The following MRTFB variants were observed in gnomAD, a reference collection of about 807,000 sequenced individuals.
MRTFB encodes the protein myocardin related transcription factor B, also known as myocardin-related transcription factor B.
A neutral mutation model predicts 104.2 loss-of-function variants in MRTFB; 29 were observed. The ratio of observed to expected loss-of-function variants is 0.28; its 90% CI spans 0.21 to 0.38. MRTFB has a LOEUF of 0.38. MRTFB is among the 10% of genes least tolerant of loss of function. The probability of loss-of-function intolerance (pLI) is 1.00; values close to 1 mark genes in which losing one functional copy is unlikely to be tolerated. For missense variants in MRTFB, 1,270 were observed against 1,341.6 expected (o/e 0.95, Z 0.83); for synonymous variants, 535 against 519.5 (o/e 1.03, Z -0.41).
chr16:14,025,457 C>T, the MRTFB span, among the ~76,000 whole-genome samples: 3 of 152,146 alleles, frequency 2.0e-5, no homozygotes, highest in African/African-American at 7.2e-5. Context: ...TTACCCAGTG[C>T]CTATCAAGGT....
chr16:14,022,233 G>A, the MRTFB span, among the ~76,000 whole-genome samples: 1 of 152,176 alleles, frequency 6.6e-6, no homozygotes, highest in African/African-American at 2.4e-5. Flanking sequence ...ACTAGAGAAG[G>A]AGGTGGAATA....
intron 8 of MRTFB, among the ~76,000 whole-genome samples, chr16:14,228,496 A>G (rs1018592786): frequency 6.6e-6 from 1 of 152,016 alleles, no homozygotes; most frequent in African/African-American, 2.4e-5. Context: ...AATTGCTTAG[A>G]ACCCAGGAGG....
chr16:14,159,646 A>G (rs1377490185), intron 3 of MRTFB, among the ~76,000 whole-genome samples: 1 of 152,178 alleles, frequency 6.6e-6, no homozygotes, highest in African/African-American at 2.4e-5. Flanking sequence ...TTTAAGAATC[A>G]TGGCCGGGCG....
At chr16:14,010,710 G>C in the MRTFB span, among the ~76,000 whole-genome samples, 7 of 152,196 alleles carry the variant, frequency 4.6e-5, no homozygotes, top group Admixed American at 3.9e-4. Flanking sequence ...ATAGGCATGA[G>C]CCACCATGCC....
At chr16:14,200,398 A>C (rs2040636797) in intron 3 of MRTFB, 5 of 1,607,904 alleles carry the variant, frequency 3.1e-6, no homozygotes, top group Non-Finnish European at 4.3e-6. Flanking sequence ...AAGATGTTTC[A>C]CTGTTTGATG....
intron 3 of MRTFB, among the ~76,000 whole-genome samples, chr16:14,206,295 T>G (rs226782): frequency 0.23 from 34,773 of 152,174 alleles, 7,397 homozygotes; most frequent in African/African-American, 0.55. Context: ...CTTCTGTGTC[T>G]CATGACAATT....
chr16:14,229,345 C>CTCAT (rs3086634), intron 8 of MRTFB, among the ~76,000 whole-genome samples: 142,872 of 152,126 alleles, frequency 0.94, 67,328 homozygotes, highest in Non-Finnish European at 0.97. Context: ...TTTTATTCAA[C>CTCAT]TCATTTTTCA....
chr16:14,032,708 A>C, the MRTFB span, among the ~76,000 whole-genome samples: 1 of 152,068 alleles, frequency 6.6e-6, no homozygotes, highest in African/African-American at 2.4e-5. Flanking sequence ...TGGGCCCTTA[A>C]CCTGTGGGGT....
chr16:14,132,305 G>T (rs1188384978), intron 2 of MRTFB, among the ~76,000 whole-genome samples: 4 of 151,842 alleles, frequency 2.6e-5, no homozygotes, highest in Non-Finnish European at 5.9e-5. Flanking sequence ...GTGCTGATGG[G>T]TACAGGATTT....
At chr16:14,186,967 C>G (rs946576533) in intron 3 of MRTFB, 2 of 1,597,986 alleles carry the variant, frequency 1.3e-6, no homozygotes, top group African/African-American at 2.7e-5. Context: ...ATTTTAACTG[C>G]TGGGGATTTT....
chr16:14,183,374 A>G (rs1353081921), intron 3 of MRTFB, among the ~76,000 whole-genome samples: 1 of 152,176 alleles, frequency 6.6e-6, no homozygotes, highest in African/African-American at 2.4e-5. Flanking sequence ...AAAACTAAAG[A>G]GACTTAATAA....
chr16:14,215,925 G>A (rs1597272493), intron 6 of MRTFB, among the ~76,000 whole-genome samples: 1 of 152,174 alleles, frequency 6.6e-6, no homozygotes, highest in Non-Finnish European at 1.5e-5. Flanking sequence ...TTGCCCAAAC[G>A]AATTTGACAG....
chr16:14,018,907 G>A, the MRTFB span: 1 of 152,004 alleles, frequency 6.6e-6, no homozygotes, highest in African/African-American at 2.4e-5. Context: ...TTTATTACCT[G>A]GCCCCTGTGG....
chr16:14,259,324 A>C (rs2043659613), intron 16 of MRTFB, among the ~76,000 whole-genome samples: 1 of 151,882 alleles, frequency 6.6e-6, no homozygotes, highest in South Asian at 2.1e-4. Context: ...CAGGCACCTT[A>C]AACTTGGAAA....
chr16:14,075,141 ATACT>A (rs1291975550), intron 1 of MRTFB, among the ~76,000 whole-genome samples: 2 of 152,256 alleles, frequency 1.3e-5, no homozygotes, highest in African/African-American at 2.4e-5. Flanking sequence ...ATTTGAAAAC[ATACT>A]TACTCTGTGT....
At chr16:14,118,712 TGTAA>T (rs1468460266) in intron 2 of MRTFB, among the ~76,000 whole-genome samples, 1 of 150,814 alleles carries the variant, frequency 6.6e-6, no homozygotes, top group African/African-American at 2.4e-5. Flanking sequence ...ATATATATAG[TGTAA>T]GTATTTACAT....
At chr16:14,233,368 T>C (rs1465619165) in intron 8 of MRTFB, among the ~76,000 whole-genome samples, 1 of 152,086 alleles carries the variant, frequency 6.6e-6, no homozygotes, top group Non-Finnish European at 1.5e-5. Context: ...TATGGACACA[T>C]GGGTGGCATG....
At chr16:13,998,706 G>A in the MRTFB span, among the ~76,000 whole-genome samples, 2 of 151,032 alleles carry the variant, frequency 1.3e-5, no homozygotes, top group Non-Finnish European at 3.0e-5. Flanking sequence ...AGGGAAGAAG[G>A]AAGACAGAAG....
rs141241398 is a variant in MRTFB, at chr16:14,252,372, C to T, written c.2573C>T (p.Ser858Leu). The T allele has an allele frequency of 6.2e-7, 1 of 1,613,316 alleles. No homozygotes were observed. The highest frequency in any genetic ancestry group is 1.3e-5 in the African/African-American group (1 of 74,964). ...NGPNTPNKPS[S>L]PPPPQQFVVQ... Reference sequence around the variant, plus strand: ...CTCCTTTATTTGACACAGCCTAGTTCACCCCCGCCACCCCAGCAATTTGTC... The same window carrying T: ...CTCCTTTATTTGACACAGCCTAGTTTACCCCCGCCACCCCAGCAATTTGTC... Residue 858 changes from serine to leucine, a missense_variant, in exon 15 of 17, where the codon TCA (serine) becomes TTA (leucine). By Grantham distance (145) the Ser-to-Leu change is moderately radical. Coordinates refer to ENST00000571589, the MANE Select transcript of MRTFB (RefSeq NM_001308142.2).
Sources: gnomAD v4.1 joint callset for allele counts (sites outside exome capture counted in the v4.1 genomes callset) on GRCh38, gnomAD v4.1.1 for gene constraint, MANE v1.5 for transcripts, NCBI Gene and HGNC (gene_info 2026-07-23, HGNC 2026-07-21) for gene names.